Variants in SAMD12 observed in about 807,000 individuals in gnomAD.
SAMD12 encodes the protein sterile alpha motif domain-containing protein 12.
A neutral mutation model predicts 15.0 loss-of-function variants in SAMD12; 9 were observed. The observed-to-expected ratio is 0.60, with a 90% CI of 0.36 to 1.05. SAMD12 has a LOEUF of 1.05. SAMD12 is among the 50% of genes least tolerant of loss of function. The pLI is 0.01. For missense variants in SAMD12, 230 were observed against 234.2 expected, an observed-to-expected ratio of 0.98 and a Z score of 0.12; for synonymous variants, 86 against 90.1, an observed-to-expected ratio of 0.96 and a Z score of 0.25.
intron 2 of SAMD12, among the ~76,000 whole-genome samples, chr8:118,490,328 A>G (rs1047995594): frequency 2.6e-5 from 4 of 152,154 alleles, no homozygotes; most frequent in Non-Finnish European, 4.4e-5. Flanking sequence ...CTATACTTCA[A>G]ACCAGCCACT....
chr8:118,574,497 C>A (rs1827100989), intron 2 of SAMD12, among the ~76,000 whole-genome samples: 1 of 152,168 alleles, frequency 6.6e-6, no homozygotes, highest in African/African-American at 2.4e-5. Flanking sequence ...GTCTCATCTC[C>A]CTAACTTGTA....
At chr8:118,187,955 A>C (rs542326703), downstream of SAMD12, among the ~76,000 whole-genome samples, 1 of 152,222 alleles carries the variant, frequency 6.6e-6, no homozygotes, top group South Asian at 2.1e-4. Context: ...TTGAGCAATT[A>C]TAATGTGCCA....
chr8:118,375,069 C>T (rs943372256), downstream of SAMD12, among the ~76,000 whole-genome samples: 1 of 151,934 alleles, frequency 6.6e-6, no homozygotes, highest in African/African-American at 2.4e-5. Context: ...CAACAGATAC[C>T]ATATGGCTGC....
intron 4 of SAMD12, among the ~76,000 whole-genome samples, chr8:118,283,426 A>G (rs536044335): frequency 3.9e-5 from 6 of 152,234 alleles, no homozygotes; most frequent in Non-Finnish European, 7.3e-5. Context: ...AGAAGGGAGT[A>G]CGTAGCCTTA....
chr8:118,278,864 A>G (rs1813535677), intron 4 of SAMD12, among the ~76,000 whole-genome samples: 1 of 152,224 alleles, frequency 6.6e-6, no homozygotes, highest in Admixed American at 6.5e-5. Flanking sequence ...ACACGTAGCC[A>G]TGCGTATTTG....
At chr8:118,295,006 A>C (rs2130283871) in intron 4 of SAMD12, among the ~76,000 whole-genome samples, 1 of 152,344 alleles carries the variant, frequency 6.6e-6, no homozygotes, top group East Asian at 1.9e-4. Flanking sequence ...GCTTTAGTTC[A>C]CAGTGCTGGC....
chr8:118,357,583 G>C (rs1818294257), intron 4 of SAMD12, among the ~76,000 whole-genome samples: 1 of 152,172 alleles, frequency 6.6e-6, no homozygotes, highest in East Asian at 1.9e-4. Flanking sequence ...TAGTACGTGA[G>C]ATGATGGATA....
At chr8:118,258,187 CTG>C (rs1563718853) in intron 4 of SAMD12, among the ~76,000 whole-genome samples, 1 of 152,130 alleles carries the variant, frequency 6.6e-6, no homozygotes, top group Non-Finnish European at 1.5e-5. Flanking sequence ...CATTCCCAAT[CTG>C]TGAATTTAAA....
intron 1 of SAMD12, among the ~76,000 whole-genome samples, chr8:118,607,069 TC>T (rs1331639366): frequency 1.3e-5 from 2 of 152,070 alleles, no homozygotes; most frequent in Non-Finnish European, 2.9e-5. Flanking sequence ...TTATATCCTC[TC>T]CTGACATTTG....
chr8:118,439,202 T>C (rs1351399722), intron 3 of SAMD12, among the ~76,000 whole-genome samples: 1 of 152,186 alleles, frequency 6.6e-6, no homozygotes, highest in African/African-American at 2.4e-5. Context: ...TTGATCTAAA[T>C]GGAATCGTTA....
intron 4 of SAMD12, among the ~76,000 whole-genome samples, chr8:118,367,995 C>A (rs1181247329): frequency 6.6e-6 from 1 of 152,192 alleles, no homozygotes; most frequent in African/African-American, 2.4e-5. Context: ...TCAGGATATA[C>A]ATCTCATAAT....
At chr8:118,170,159 T>C in the SAMD12 span, among the ~76,000 whole-genome samples, 26 of 152,158 alleles carry the variant, frequency 1.7e-4, no homozygotes, top group Admixed American at 7.9e-4. Context: ...AGTTACTTAA[T>C]CTCTCTAAGC....
chr8:118,229,367 T>TA (rs1422262443), intron 4 of SAMD12, among the ~76,000 whole-genome samples: 2 of 151,704 alleles, frequency 1.3e-5, no homozygotes, highest in East Asian at 1.9e-4. Flanking sequence ...TAAACAGCAA[T>TA]AAAAAAAGAA....
At chr8:118,522,960 G>A (rs1825431415) in intron 2 of SAMD12, among the ~76,000 whole-genome samples, 1 of 152,050 alleles carries the variant, frequency 6.6e-6, no homozygotes. Context: ...AATGTTCCAG[G>A]CTGTTTTGGT....
rs557258533 is a variant in SAMD12 at position 118,558,803 on chromosome 8, C to T, written c.192+21912G>A. 1.6e-4 allele frequency among the ~76,000 whole-genome samples: 24 copies of T among 152,016 alleles called. No homozygotes were observed. In the South Asian group the frequency reaches 2.1e-3, roughly 13 times the overall value. On this transcript the variant is annotated intron_variant, in intron 2 of 3. Coordinates refer to ENST00000314727, the MANE Select transcript of SAMD12 (RefSeq NM_207506.3). ...CGATCTCCTGACCTCGCGATCCACC[C>T]GCCTCAGCCTCCGAAAGTGCTGGGA...
At chr8:118,226,360 A>G (rs1812188933) in intron 4 of SAMD12, among the ~76,000 whole-genome samples, 1 of 152,200 alleles carries the variant, frequency 6.6e-6, no homozygotes, top group African/African-American at 2.4e-5. Flanking sequence ...GATTTCAGCA[A>G]TGAAATTTCT....
chr8:118,307,862 G>A (rs1815423926), intron 4 of SAMD12, among the ~76,000 whole-genome samples: 2 of 152,132 alleles, frequency 1.3e-5, no homozygotes, highest in African/African-American at 2.4e-5. Context: ...TGAAGTGCTG[G>A]GAGAAGACTG....
At chr8:118,396,888 A>G (rs1820600999) in intron 3 of SAMD12, among the ~76,000 whole-genome samples, 1 of 152,146 alleles carries the variant, frequency 6.6e-6, no homozygotes, top group South Asian at 2.1e-4. Context: ...GAGAGGGGAA[A>G]TTTTGCATGC....
At position 118,540,700 on chromosome 8, in the gene SAMD12, T is replaced by TAAA. The variant is rs61083709; in HGVS notation, c.192+40012_192+40014dup. 7.3e-3 allele frequency among the ~76,000 whole-genome samples: 1,092 copies of TAAA among 150,386 alleles called. 4 individuals are homozygous for TAAA. Among genetic ancestry groups the TAAA allele is most frequent in the Non-Finnish European group, 0.012 (790 of 67,532 alleles). On this transcript the variant is annotated intron_variant, in intron 2 of 3. Coordinates refer to ENST00000314727, the MANE Select transcript of SAMD12 (RefSeq NM_207506.3). Reference sequence around the variant, plus strand: ...AAGCCTGCACCATTGCAACTGGCCATAAAAAAAAAATGCCACATATGTTCT... The same window carrying TAAA: ...AAGCCTGCACCATTGCAACTGGCCATAAAAAAAAAAAAATGCCACATATGTTCT...
Sources: allele counts gnomAD v4.1 joint callset (sites outside exome capture counted in the v4.1 genomes callset), GRCh38; gene constraint gnomAD v4.1.1; transcripts MANE v1.5; gene names NCBI Gene and HGNC (gene_info 2026-07-23, HGNC 2026-07-21).